The following SAMM50 variants were observed in gnomAD, a reference collection of about 807,000 sequenced individuals.
The protein encoded by SAMM50 is SAMM50 sorting and assembly machinery component.
A neutral mutation model predicts 66.9 loss-of-function variants in SAMM50; 47 were observed. That is an observed-to-expected ratio of 0.70 (90% CI 0.56 to 0.90). The LOEUF (loss-of-function observed/expected upper bound fraction) is 0.90, where lower values mean the gene tolerates loss of function less well. SAMM50 is among the 40% of genes least tolerant of loss of function. The pLI, the probability that SAMM50 is intolerant of heterozygous loss-of-function variation, is 0.00. For missense variants in SAMM50, 535 were observed against 595.3 expected (o/e 0.90, Z 1.05); for synonymous variants, 191 against 214.1 (o/e 0.89, Z 0.94).
Position 43,983,206 on chromosome 22 carries a change from C to T in SAMM50, c.1008-727C>T, listed in dbSNP as rs547856170. ...GTCAGAGGGCTCTGAGGGCACCTGCCGGGGTTGTGTCCTTGGCTGCCTCTT... is the reference window on the plus strand; with the variant it reads ...GTCAGAGGGCTCTGAGGGCACCTGCTGGGGTTGTGTCCTTGGCTGCCTCTT... On this transcript the variant is annotated intron_variant, in intron 11 of 14. Coordinates refer to ENST00000350028, the MANE Select transcript of SAMM50 (RefSeq NM_015380.5). This position sits in a 1 kb window ranked among gnomAD's most constrained non-coding sequence, Gnocchi z 4.2. 9.2e-5 allele frequency among the ~76,000 whole-genome samples: 14 copies of T among 152,282 alleles called. No homozygotes were observed. Among genetic ancestry groups the T allele is most frequent in the Non-Finnish European group, 1.3e-4 (9 of 68,018 alleles).
intron 2 of SAMM50, 27 bp downstream of exon 2, chr22:43,963,423 A>G (rs1333514416): frequency 1.4e-6 from 2 of 1,421,246 alleles, no homozygotes; most frequent in East Asian, 4.6e-5. Flanking sequence ...AGGTCTTGAT[A>G]GAATTGTTAG....
At chr22:43,976,003 C>T in intron 7 of SAMM50, 52 bp from the exon 8 acceptor site, 2 of 1,538,066 alleles carry the variant, frequency 1.3e-6, no homozygotes, top group Non-Finnish European at 1.8e-6. Flanking sequence ...TGATTTGCAA[C>T]AAGTTCCTAA....
At chr22:43,973,523 A>G (rs1270402831) in intron 7 of SAMM50, among the ~76,000 whole-genome samples, 200 bp downstream of exon 7, 1 of 152,196 alleles carries the variant, frequency 6.6e-6, no homozygotes, top group Non-Finnish European at 1.5e-5. Context: ...CCATGTTAGC[A>G]GCTCCTTAAC....
At chr22:43,960,983 G>C (rs1374071787) in intron 1 of SAMM50, among the ~76,000 whole-genome samples, 1 of 152,250 alleles carries the variant, frequency 6.6e-6, no homozygotes. Context: ...CAGGCCTTAC[G>C]GCAGAGTTCC....
At chr22:43,970,509 G>A (rs888935417) in intron 4 of SAMM50, among the ~76,000 whole-genome samples, 2 of 152,146 alleles carry the variant, frequency 1.3e-5, no homozygotes, top group South Asian at 2.1e-4. Flanking sequence ...TGTTGTACAC[G>A]GCACTGCTCT....
intron 1 of SAMM50, among the ~76,000 whole-genome samples, chr22:43,959,312 C>T (rs1295613603): frequency 6.6e-6 from 1 of 151,780 alleles, no homozygotes; most frequent in Non-Finnish European, 1.5e-5. Context: ...AGCCACTGTG[C>T]CCAGCCTGTT....
intron 12 of SAMM50, among the ~76,000 whole-genome samples, chr22:43,984,887 T>C (rs12167845): frequency 0.24 from 36,236 of 150,810 alleles, 5,335 homozygotes; most frequent in African/African-American, 0.39. Context: ...GCCTTGGCCT[T>C]CTAAAGTGCT....
rs1316887712 is a variant in SAMM50 at position 43,973,126 on chromosome 22, T to C, written c.561-110T>C. 2.9e-6 allele frequency: 4 copies of C among 1,388,986 alleles called. No individual in the cohort carries two copies. The African/African-American group carries it at 4.3e-5, about 15-fold the overall frequency. 86.0% of individuals were successfully genotyped at this position (1,388,986 alleles called of 1,614,324 possible). ...TCTGCAGTGACCACATGCTGTAGATTTCCTCTTGAAGATGAGCCCTACGGG... is the reference window on the plus strand; with the variant it reads ...TCTGCAGTGACCACATGCTGTAGATCTCCTCTTGAAGATGAGCCCTACGGG... On this transcript the variant is annotated intron_variant, in intron 6 of 14. Coordinates refer to ENST00000350028, the MANE Select transcript of SAMM50 (RefSeq NM_015380.5).
intron 7 of SAMM50, chr22:43,975,364 T>C (rs1164838598): frequency 6.6e-6 from 1 of 152,188 alleles, no homozygotes; most frequent in African/African-American, 2.4e-5. Flanking sequence ...CTGGGGAGTA[T>C]GGGGTGACGT....
At chr22:43,986,065 T>TG (rs2050291343) in intron 12 of SAMM50, among the ~76,000 whole-genome samples, 1 of 55,674 alleles carries the variant, frequency 1.8e-5, no homozygotes, top group Non-Finnish European at 3.0e-5. Context: ...TTTTTTGAGA[T>TG]GGAGTCTTGC....
At chr22:43,964,206 G>T (rs1210991912) in intron 2 of SAMM50, among the ~76,000 whole-genome samples, 1 of 152,166 alleles carries the variant, frequency 6.6e-6, no homozygotes, top group East Asian at 1.9e-4. Flanking sequence ...ACCTGGTCCT[G>T]GGTCATCTGG....
chr22:43,963,188 T>C (rs930007978), intron 1 of SAMM50, 98 bp from the exon 2 acceptor site: 36 of 709,850 alleles, frequency 5.1e-5, no homozygotes, highest in Non-Finnish European at 7.8e-5. Flanking sequence ...GAACAACTAC[T>C]GAATTTTCTG....
chr22:43,958,313 A>T (rs2050129998), intron 1 of SAMM50, among the ~76,000 whole-genome samples: 2 of 152,036 alleles, frequency 1.3e-5, no homozygotes, highest in African/African-American at 4.8e-5. Flanking sequence ...TCTAGATGTA[A>T]TGGTAGGAAC....
chr22:43,992,335 T>G (rs2050329353), intron 14 of SAMM50, among the ~76,000 whole-genome samples: 1 of 152,220 alleles, frequency 6.6e-6, no homozygotes, highest in Admixed American at 6.5e-5. Context: ...CTCCTTACAC[T>G]CTTGCCAGAA....
At chr22:43,991,515 G>C (rs928063278) in intron 14 of SAMM50, among the ~76,000 whole-genome samples, 1 of 152,112 alleles carries the variant, frequency 6.6e-6, no homozygotes, top group Non-Finnish European at 1.5e-5. Context: ...CCATCTGCCC[G>C]CATTGGCCTC....
intron 4 of SAMM50, among the ~76,000 whole-genome samples, chr22:43,971,231 C>A (rs562300057): frequency 1.3e-5 from 2 of 152,200 alleles, no homozygotes; most frequent in Non-Finnish European, 2.9e-5. Context: ...GTTCCTAGAG[C>A]GGTGCCTGAG....
intron 7 of SAMM50, 129 bp downstream of exon 7, chr22:43,973,452 C>G: frequency 1.6e-6 from 1 of 617,776 alleles, no homozygotes; most frequent in Non-Finnish European, 3.0e-6. Flanking sequence ...CAGGTACCTC[C>G]TGGCCAGGTG....
intron 1 of SAMM50, among the ~76,000 whole-genome samples, chr22:43,961,528 C>A (rs2146805866): frequency 6.6e-6 from 1 of 152,286 alleles, no homozygotes; most frequent in Admixed American, 6.5e-5. Flanking sequence ...TAGCTCACTG[C>A]AACCTCTGTC....
intron 12 of SAMM50, among the ~76,000 whole-genome samples, chr22:43,984,483 T>C (rs1038877185): frequency 6.7e-6 from 1 of 148,574 alleles, no homozygotes; most frequent in Non-Finnish European, 1.5e-5. Flanking sequence ...TAGCTAATTT[T>C]TGTATTTTTA....
Sources: allele counts gnomAD v4.1 joint callset (sites outside exome capture counted in the v4.1 genomes callset), GRCh38; gene constraint gnomAD v4.1.1; non-coding constraint Gnocchi (gnomAD v3.1); transcripts MANE v1.5; gene names NCBI Gene and HGNC (gene_info 2026-07-23, HGNC 2026-07-21).